WDR1: variants seen among roughly 807,000 people sequenced by gnomAD.
WDR1 encodes WD repeat-containing protein 1.
A neutral mutation model predicts 71.9 loss-of-function variants in WDR1; 21 were observed. The observed-to-expected ratio is 0.29, with a 90% CI of 0.21 to 0.42. WDR1 has a LOEUF of 0.42. Ranked by LOEUF, WDR1 falls within the 10% of genes least tolerant of loss-of-function variation. The pLI, the probability that WDR1 is intolerant of heterozygous loss-of-function variation, is 1.00. For missense variants in WDR1, 696 were observed against 824.5 expected, an observed-to-expected ratio of 0.84 and a Z score of 1.91; for synonymous variants, 424 against 347.4, an observed-to-expected ratio of 1.22 and a Z score of -2.45.
intron 3 of WDR1, among the ~76,000 whole-genome samples, chr4:10,101,591 A>G (rs903258198): frequency 1.3e-5 from 2 of 152,248 alleles, no homozygotes; most frequent in Admixed American, 6.5e-5. Context: ...GGCACTTTTC[A>G]GGGAGGACAG....
intron 3 of WDR1, among the ~76,000 whole-genome samples, chr4:10,100,719 G>T (rs1712632861): frequency 6.6e-6 from 1 of 152,208 alleles, no homozygotes; most frequent in African/African-American, 2.4e-5. Context: ...TTCCAAAGGT[G>T]ACCTGGAGAT....
intron 5 of WDR1, chr4:10,092,448 A>T (rs981054846): frequency 2.6e-5 from 4 of 153,748 alleles, no homozygotes; most frequent in African/African-American, 9.7e-5. Flanking sequence ...AAACCCCAGG[A>T]CCCCAAATCC....
At chr4:10,116,357 T>A (rs1713730302) in intron 1 of WDR1, 123 bp from the exon 2 acceptor site, 2 of 1,398,376 alleles carry the variant, frequency 1.4e-6, no homozygotes, top group Non-Finnish European at 1.9e-6. Flanking sequence ...GAGGGCGGCC[T>A]CCACTTTCCA....
chr4:10,083,317 C>T, intron 9 of WDR1, 139 bp from the exon 10 acceptor site: 1 of 1,103,962 alleles, frequency 9.1e-7, no homozygotes, highest in South Asian at 1.5e-5. Context: ...CCTGGGAAGC[C>T]TGCAGTGTCC....
chr4:10,087,482 TA>T (rs2109655509), intron 8 of WDR1, among the ~76,000 whole-genome samples: 1 of 152,362 alleles, frequency 6.6e-6, no homozygotes, highest in South Asian at 2.1e-4. Flanking sequence ...GTTCTCACAG[TA>T]GCTCAAGGGG....
At chr4:10,091,460 C>G (rs1196179966) in intron 5 of WDR1, 1 of 152,264 alleles carries the variant, frequency 6.6e-6, no homozygotes, top group Non-Finnish European at 1.5e-5. Context: ...GGAGAGCCTG[C>G]GGGCAAATTC....
Position 10,075,079 on chromosome 4 carries a change from C to G in WDR1, c.*299G>C. The G allele has an allele frequency of 2.1e-6, 1 of 465,340 alleles. No individual in the cohort carries two copies. Among genetic ancestry groups the G allele is most frequent in the Non-Finnish European group, 3.8e-6 (1 of 263,032 alleles). 28.8% of individuals were successfully genotyped at this position (465,340 alleles called of 1,614,324 possible). A position where few individuals can be genotyped will look rare whatever the true frequency, so the allele number is the denominator to read the frequency against. On this transcript the variant is annotated 3_prime_UTR_variant, in exon 15 of 15. Coordinates refer to ENST00000499869, the MANE Select transcript of WDR1 (RefSeq NM_017491.5). ...CCAGGGGCTCTGTGTGCTTTGGAGG[C>G]TACTGCCTCTGGAATGTTTCGCATT...
At chr4:10,087,269 T>C (rs2241478) in intron 8 of WDR1, among the ~76,000 whole-genome samples, 50,113 of 152,184 alleles carry the variant, frequency 0.33, 8,574 homozygotes, top group East Asian at 0.54. Context: ...CACCTGCTCT[T>C]GCTCCTCCCT....
intron 8 of WDR1, among the ~76,000 whole-genome samples, chr4:10,085,658 T>C (rs928625349): frequency 6.6e-6 from 1 of 152,258 alleles, no homozygotes; most frequent in Non-Finnish European, 1.5e-5. Context: ...CATGCCCAGA[T>C]GCCCACGGGT....
chr4:10,078,082 T>G (rs553082873), intron 12 of WDR1, among the ~76,000 whole-genome samples, 156 bp from the exon 13 acceptor site: 1 of 152,214 alleles, frequency 6.6e-6, no homozygotes, highest in East Asian at 1.9e-4. Context: ...GCTCTTCCCG[T>G]GGATGGGCCT....
chr4:10,100,040 C>G (rs1337245067), intron 3 of WDR1, among the ~76,000 whole-genome samples: 1 of 152,226 alleles, frequency 6.6e-6, no homozygotes, highest in East Asian at 1.9e-4. Context: ...GAAATGGGAG[C>G]ATTCTAGACT....
At chr4:10,112,295 T>C (rs1577080854) in intron 2 of WDR1, among the ~76,000 whole-genome samples, 1 of 152,256 alleles carries the variant, frequency 6.6e-6, no homozygotes, top group East Asian at 1.9e-4. Context: ...TACCAGCACC[T>C]GCAGGAAGCC....
intron 14 of WDR1, 111 bp from the exon 15 acceptor site, chr4:10,075,595 A>G: frequency 1.0e-6 from 1 of 981,512 alleles, no homozygotes; most frequent in Non-Finnish European, 1.6e-6. Context: ...AGGGCCAAGA[A>G]AATGGCCACG....
intron 1 of WDR1, 163 bp downstream of exon 1, chr4:10,116,488 C>A: frequency 1.8e-5 from 12 of 655,928 alleles, no homozygotes; most frequent in South Asian, 4.7e-5. Flanking sequence ...GTCGGGGGTC[C>A]CGCCCTGCAC....
At chr4:10,110,160 ACAAG>A (rs1713265522) in intron 2 of WDR1, among the ~76,000 whole-genome samples, 1 of 152,110 alleles carries the variant, frequency 6.6e-6, no homozygotes, top group South Asian at 2.1e-4. Context: ...CGTAGAAGTG[ACAAG>A]CAAGGTGACC....
intron 10 of WDR1, 60 bp downstream of exon 10, chr4:10,082,962 C>G: frequency 1.9e-6 from 3 of 1,551,966 alleles, no homozygotes; most frequent in South Asian, 2.4e-5. Flanking sequence ...CTGGAGGGCA[C>G]AAGCCCTCCG....
chr4:10,097,584 C>A, intron 5 of WDR1, 127 bp downstream of exon 5: 1 of 1,166,104 alleles, frequency 8.6e-7, no homozygotes, highest in Non-Finnish European at 1.2e-6. Context: ...CCCTGGGAGC[C>A]CACTTCTGTG....
intron 14 of WDR1, 68 bp downstream of exon 14, chr4:10,077,235 GC>G: frequency 6.3e-7 from 1 of 1,592,038 alleles, no homozygotes; most frequent in South Asian, 1.1e-5. Context: ...CCAGGGGACA[GC>G]CTGTGAGGTG....
In WDR1 at chr4:10,084,890, C is replaced by T. The variant is rs564934492; in HGVS notation, c.952-360G>A. 5.3e-5 allele frequency among the ~76,000 whole-genome samples: 8 copies of T among 152,328 alleles called. No homozygotes were observed. In the East Asian group the frequency reaches 1.2e-3, roughly 22 times the overall value. ...CTGCACCCCGCCGACCAGCACCCGT[C>T]GCGGGGAGCCACAAGGGGGTCGGTC... is the stretch of plus-strand genomic sequence containing the variant. On this transcript the variant is annotated intron_variant, in intron 8 of 14. Coordinates refer to ENST00000499869, the MANE Select transcript of WDR1 (RefSeq NM_017491.5).
Sources: allele counts gnomAD v4.1 joint callset (sites outside exome capture counted in the v4.1 genomes callset), GRCh38; gene constraint gnomAD v4.1.1; transcripts MANE v1.5; gene names NCBI Gene and HGNC (gene_info 2026-07-23, HGNC 2026-07-21).